The following PDE1C variants were observed in gnomAD, a reference collection of about 807,000 sequenced individuals.
The protein encoded by PDE1C is dual specificity calcium/calmodulin-dependent 3',5'-cyclic nucleotide phosphodiesterase 1C.
Under a neutral mutation model 93.1 loss-of-function variants are expected in PDE1C, and 62 were observed. The observed-to-expected ratio is 0.67, with a 90% CI of 0.54 to 0.82. PDE1C has a LOEUF of 0.82. Ranked by LOEUF, PDE1C falls within the 40% of genes least tolerant of loss-of-function variation. The probability of loss-of-function intolerance (pLI) is 0.00; values close to 1 mark genes in which losing one functional copy is unlikely to be tolerated. For missense variants in PDE1C, 742 were observed against 884.6 expected, an observed-to-expected ratio of 0.84 and a Z score of 2.04; for synonymous variants, 325 against 310.1, an observed-to-expected ratio of 1.05 and a Z score of -0.50.
At chr7:32,061,995 A>T (rs1203220989) in intron 1 of PDE1C, among the ~76,000 whole-genome samples, 1 of 152,120 alleles carries the variant, frequency 6.6e-6, no homozygotes, top group African/African-American at 2.4e-5. Flanking sequence ...TGTAGATTAT[A>T]TCTCCAGACC....
intron 1 of PDE1C, among the ~76,000 whole-genome samples, chr7:32,224,344 G>T (rs915596317): frequency 1.3e-5 from 2 of 151,974 alleles, no homozygotes; most frequent in African/African-American, 4.8e-5. Context: ...CTGTGCTCCA[G>T]CCTGGGCGAC....
chr7:31,658,536 G>T, the PDE1C span: 4 of 524,086 alleles, frequency 7.6e-6, no homozygotes, highest in East Asian at 1.3e-4. Flanking sequence ...GTGGAATGGT[G>T]GGTTGCATAC....
chr7:32,349,645 T>C (rs1450564108), intron 1 of PDE1C, among the ~76,000 whole-genome samples: 3 of 152,070 alleles, frequency 2.0e-5, no homozygotes, highest in Non-Finnish European at 4.4e-5. Flanking sequence ...TTTTTTTTTT[T>C]GAGAAGGAGT....
At chr7:32,292,107 A>G (rs1461021712) in intron 1 of PDE1C, among the ~76,000 whole-genome samples, 1 of 152,216 alleles carries the variant, frequency 6.6e-6, no homozygotes, top group Non-Finnish European at 1.5e-5. Context: ...GCCCTGTGCT[A>G]GAAGCTACAG....
intron 1 of PDE1C, among the ~76,000 whole-genome samples, chr7:32,377,621 G>C (rs1203453599): frequency 6.6e-6 from 1 of 152,118 alleles, no homozygotes. Context: ...TATTCTAAGT[G>C]CTTTATAGAT....
At chr7:31,663,495 C>T in the PDE1C span, among the ~76,000 whole-genome samples, 1 of 152,140 alleles carries the variant, frequency 6.6e-6, no homozygotes, top group South Asian at 2.1e-4. Context: ...ATTCAGACTG[C>T]TCTTGATTTT....
the PDE1C span, among the ~76,000 whole-genome samples, chr7:31,694,379 CTCT>C: frequency 2.7e-5 from 4 of 146,748 alleles, no homozygotes; most frequent in Non-Finnish European, 5.9e-5. Context: ...CTCTCTCTCT[CTCT>C]CTCAAACACA....
In PDE1C at chr7:31,936,382, C is replaced by G. The variant is rs182200062; in HGVS notation, c.129-55522G>C. 5.3e-4 allele frequency among the ~76,000 whole-genome samples: 81 copies of G among 151,918 alleles called. 2 individuals carry two copies. In the Middle Eastern group the frequency reaches 0.024, roughly 45 times the overall value. On this transcript the variant is annotated intron_variant, in intron 2 of 17. Coordinates refer to ENST00000396191, the MANE Select transcript of PDE1C (RefSeq NM_001191057.4). ...CTGAGAAAACAAACTCAACAATATG[C>G]CCTTACAACACACACCTGTGGTATT...
the PDE1C span, among the ~76,000 whole-genome samples, chr7:31,722,692 G>A: frequency 6.6e-6 from 1 of 152,306 alleles, no homozygotes; most frequent in Admixed American, 6.5e-5. Flanking sequence ...GCTGTTTCAG[G>A]TGGTGGGAAG....
chr7:32,075,770 A>G (rs935477420), upstream of PDE1C, among the ~76,000 whole-genome samples: 15 of 152,196 alleles, frequency 9.9e-5, no homozygotes, highest in Non-Finnish European at 2.2e-4. Context: ...AGCCCGATGT[A>G]GTCTGCATGT....
chr7:32,061,968 T>G (rs1794862249), intron 1 of PDE1C, among the ~76,000 whole-genome samples: 1 of 152,194 alleles, frequency 6.6e-6, no homozygotes, highest in Non-Finnish European at 1.5e-5. Flanking sequence ...AGAATTTTCC[T>G]GCTTACTTTG....
intron 1 of PDE1C, among the ~76,000 whole-genome samples, chr7:32,399,170 T>C (rs1034450786): frequency 1.3e-5 from 2 of 152,180 alleles, no homozygotes; most frequent in Non-Finnish European, 2.9e-5. Flanking sequence ...TTGGTTCTCA[T>C]AGTCGATCAA....
intron 2 of PDE1C, among the ~76,000 whole-genome samples, chr7:32,003,596 T>C (rs1347669056): frequency 1.3e-5 from 2 of 152,228 alleles, no homozygotes; most frequent in Admixed American, 1.3e-4. Context: ...ATTACTTCAT[T>C]ACATTGCATG....
At chr7:31,661,022 G>A in the PDE1C span, among the ~76,000 whole-genome samples, 3 of 152,108 alleles carry the variant, frequency 2.0e-5, no homozygotes, top group Non-Finnish European at 4.4e-5. Flanking sequence ...CTGGTTGCAA[G>A]GGAATCGGAT....
At chr7:31,650,481 C>T in the PDE1C span, among the ~76,000 whole-genome samples, 4 of 152,226 alleles carry the variant, frequency 2.6e-5, no homozygotes, top group African/African-American at 9.6e-5. Context: ...AAGAGTTAAA[C>T]GATGACTACA....
At chr7:31,829,946 G>A (rs1341724990) in intron 11 of PDE1C, among the ~76,000 whole-genome samples, 2 of 152,060 alleles carry the variant, frequency 1.3e-5, no homozygotes, top group East Asian at 1.9e-4. Context: ...AAATTGTTCT[G>A]TCAGTACATT....
chr7:31,842,166 ATAT>A (rs1414422714), intron 9 of PDE1C, among the ~76,000 whole-genome samples: 9 of 152,132 alleles, frequency 5.9e-5, no homozygotes, highest in African/African-American at 2.2e-4. Context: ...CACACATGAT[ATAT>A]TACCTTTTTA....
intron 1 of PDE1C, among the ~76,000 whole-genome samples, chr7:32,422,356 C>T (rs987765786): frequency 6.6e-6 from 1 of 152,094 alleles, no homozygotes; most frequent in African/African-American, 2.4e-5. Context: ...ATTTTAGATT[C>T]AAGCCCCATA....
intron 2 of PDE1C, among the ~76,000 whole-genome samples, chr7:31,997,967 G>A (rs1263784692): frequency 6.6e-6 from 1 of 151,890 alleles, no homozygotes; most frequent in Non-Finnish European, 1.5e-5. Flanking sequence ...ATGCCTCTAT[G>A]TGGCTGTTAG....
Sources: gnomAD v4.1 joint callset for allele counts (sites outside exome capture counted in the v4.1 genomes callset) on GRCh38, gnomAD v4.1.1 for gene constraint, MANE v1.5 for transcripts, NCBI Gene and HGNC (gene_info 2026-07-23, HGNC 2026-07-21) for gene names.